DEPDC1: variants seen among roughly 807,000 people sequenced by gnomAD.
The protein encoded by DEPDC1 is DEP domain-containing protein 1A.
Under a neutral mutation model 86.8 loss-of-function variants are expected in DEPDC1, and 66 were observed. That is an observed-to-expected ratio of 0.76 (90% CI 0.62 to 0.93). The LOEUF (loss-of-function observed/expected upper bound fraction) is 0.93. DEPDC1 is among the 40% of genes least tolerant of loss of function. The probability of loss-of-function intolerance (pLI) is 0.00; values close to 1 mark genes in which losing one functional copy is unlikely to be tolerated. For missense variants in DEPDC1, 792 were observed against 935.7 expected (o/e 0.85, Z 2.00); for synonymous variants, 255 against 314.9 (o/e 0.81, Z 2.02).
chr1:68,484,879 C>CACTA (rs143758280), intron 6 of DEPDC1, among the ~76,000 whole-genome samples: 12,564 of 151,666 alleles, frequency 0.083, 789 homozygotes, highest in African/African-American at 0.17. Flanking sequence ...GCTTCTGGTT[C>CACTA]ACTGAGTGTT....
rs1646116111 is a variant in DEPDC1 at position 68,476,553 on chromosome 1, T to G, written c.*379A>C. On this transcript the variant is annotated 3_prime_UTR_variant, in exon 12 of 12. Transcript: ENST00000456315. Reference sequence around the variant, plus strand: ...AAAGAAGTAACCCCAAACAACTAATTCATTAGCTAATATCTCAGAACTTGC... The same window carrying G: ...AAAGAAGTAACCCCAAACAACTAATGCATTAGCTAATATCTCAGAACTTGC... The G allele has an allele frequency of 6.4e-6, 1 of 155,416 alleles. No homozygotes were observed. Among genetic ancestry groups the G allele is most frequent in the Non-Finnish European group, 1.4e-5 (1 of 70,354 alleles). The allele number at this position is 155,416 out of a possible 1,614,324, so 9.6% of individuals were successfully genotyped here. A position where few individuals can be genotyped will look rare whatever the true frequency, so the allele number is the denominator to read the frequency against.
chr1:68,479,906 T>C (rs1646143783), intron 9 of DEPDC1, among the ~76,000 whole-genome samples: 1 of 151,828 alleles, frequency 6.6e-6, no homozygotes, highest in Admixed American at 6.6e-5. Context: ...GTAAACACCA[T>C]AGGTTCTATT....
chr1:68,479,070 A>T, intron 10 of DEPDC1, 74 bp downstream of exon 10: 1 of 1,321,410 alleles, frequency 7.6e-7, no homozygotes. Flanking sequence ...TCCCTTTTTG[A>T]TTAAGCTATT....
chr1:68,494,382 TA>T (rs1646249420), intron 2 of DEPDC1, 47 bp downstream of exon 2: 1 of 1,529,068 alleles, frequency 6.5e-7, no homozygotes, highest in Admixed American at 1.9e-5. Flanking sequence ...TAAGTAGAGA[TA>T]AAACTTTACA....
rs932188885 is a variant in DEPDC1 at position 68,475,302 on chromosome 1, T to A, written c.*1630A>T. On this transcript the variant is annotated 3_prime_UTR_variant, in exon 12 of 12. Coordinates refer to ENST00000456315, the MANE Select transcript of DEPDC1 (RefSeq NM_001114120.3). ...TTATTATTTATATATTTGTCTATAA[T>A]ACAAAAGCAAAATTATATTGTTACA... 1 of 151,900 alleles carries A rather than the reference T, an allele frequency of 6.6e-6. No individual in the cohort carries two copies. The highest frequency in any genetic ancestry group is 6.6e-5 in the Admixed American group (1 of 15,220). 9.4% of individuals were successfully genotyped at this position (151,900 alleles called of 1,614,324 possible). A position where few individuals can be genotyped will look rare whatever the true frequency, so the allele number is the denominator to read the frequency against.
Position 68,482,612 on chromosome 1 carries a change from C to A in DEPDC1, c.1196G>T (p.Ser399Ile). Residue 399 changes from serine to isoleucine, a missense_variant, in exon 8 of 12, where the codon AGT becomes ATT. Coordinates refer to ENST00000456315, the MANE Select transcript of DEPDC1 (RefSeq NM_001114120.3). ...RVSANDIMGG[S>I]CHNLIGLSNM... ...ACTTAACCCTATTAAATTATGACAACTTCCTCCCATTATGTCATTAGCACT... is the reference window on the plus strand; with the variant it reads ...ACTTAACCCTATTAAATTATGACAAATTCCTCCCATTATGTCATTAGCACT... The A allele has an allele frequency of 6.2e-7, 1 of 1,612,892 alleles. No individual in the cohort carries two copies. Among genetic ancestry groups the A allele is most frequent in the South Asian group, 1.1e-5 (1 of 91,056 alleles).
At position 68,482,337 on chromosome 1, in the gene DEPDC1, C is replaced by G; in HGVS notation, c.1471G>C (p.Val491Leu). Residue 491 changes from valine to leucine, a missense_variant, in exon 8 of 12, where the codon GTT (valine) becomes CTT (leucine). By Grantham distance (32) the Val-to-Leu change is conservative. Transcript: ENST00000456315. Reference protein sequence around the residue: ...AGFKRTSTLTVQDQEELCNGK... With the variant: ...AGFKRTSTLTLQDQEELCNGK... ...TTACACAACTCCTCTTGGTCTTGAACAGTCAAAGTAGAGGTTCTCTTAAAA... is the reference window on the plus strand; with the variant it reads ...TTACACAACTCCTCTTGGTCTTGAAGAGTCAAAGTAGAGGTTCTCTTAAAA... 6.2e-7 allele frequency: 1 copy of G among 1,612,888 alleles called. No individual in the cohort carries two copies. Among genetic ancestry groups the G allele is most frequent in the Non-Finnish European group, 8.5e-7 (1 of 1,179,298 alleles).
intron 6 of DEPDC1, among the ~76,000 whole-genome samples, chr1:68,484,313 A>T (rs973726401): frequency 6.6e-6 from 1 of 152,064 alleles, no homozygotes; most frequent in Admixed American, 6.6e-5. Context: ...ATACCTGAAA[A>T]ATCATACATA....
intron 6 of DEPDC1, among the ~76,000 whole-genome samples, chr1:68,484,954 A>ATATATT (rs1553156028): frequency 6.6e-6 from 1 of 150,868 alleles, no homozygotes; most frequent in Non-Finnish European, 1.5e-5. Flanking sequence ...ATATATATAT[A>ATATATT]TTTTTTAAAG....
intron 2 of DEPDC1, among the ~76,000 whole-genome samples, chr1:68,493,825 C>T (rs780114076): frequency 2.0e-5 from 3 of 152,056 alleles, no homozygotes; most frequent in African/African-American, 4.8e-5. Context: ...AAGCAGTTCT[C>T]GTGCCTCAGT....
Position 68,479,134 on chromosome 1 carries a change from C to T in DEPDC1, c.2112+10G>A, listed in dbSNP as rs774960310. On this transcript the variant is annotated intron_variant, in intron 10 of 11. Transcript: ENST00000456315. ...CTATTGCAGAGAATTTTAAGACTCA[C>T]AATACTTACATGTCCCTTTTTTAAG... 3.1e-6 allele frequency: 5 copies of T among 1,593,450 alleles called. No homozygotes were observed. The South Asian group carries it at 3.4e-5, about 11-fold the overall frequency.
At chr1:68,490,620 T>C (rs577666464) in intron 2 of DEPDC1, among the ~76,000 whole-genome samples, 15 of 152,266 alleles carry the variant, frequency 9.9e-5, no homozygotes, top group Non-Finnish European at 1.9e-4. Flanking sequence ...ATATACCTAG[T>C]AAAGGGATTG....
chr1:68,479,180 T>C lies in DEPDC1; in HGVS notation c.2076A>G (p.Ala692=), dbSNP rs1646137071. ...TTAAGTAGTCAAGATGTTTTTCCAC[T>C]GCAGTCTGTAAGTAAGAGGGTACTT... The part of the protein sequence containing the change: ...ILQVPSYLQT[A]VEKHLDYLKK... Residue 692 remains alanine (A), a synonymous_variant, in exon 10 of 12, where the codon GCA becomes GCG. Coordinates refer to ENST00000456315, the MANE Select transcript of DEPDC1 (RefSeq NM_001114120.3). 1 of 1,611,228 alleles carries C rather than the reference T, an allele frequency of 6.2e-7. No individual in the cohort carries two copies. Among genetic ancestry groups the C allele is most frequent in the Non-Finnish European group, 8.5e-7 (1 of 1,179,018 alleles).
rs1056159165 is a variant in DEPDC1, at chr1:68,489,577, G to A, written c.346C>T (p.Pro116Ser). The A allele has an allele frequency of 9.7e-6, 15 of 1,540,504 alleles. No homozygotes were observed. The highest frequency in any genetic ancestry group is 1.4e-5 in the African/African-American group (1 of 69,434). The stretch of plus-strand genomic sequence containing the variant: ...TTTCTCAATTCTGGATACCTTCGTG[G>A]TAGAGTTTTAAGTGGCGAAGTTGCA... ...FPATSPLKTLPRRYPELRKNN... is the reference protein window; with the variant it reads ...FPATSPLKTLSRRYPELRKNN... Residue 116 changes from proline (P) to serine (S), a missense_variant, in exon 3 of 12, where the codon CCA (proline) becomes TCA (serine). By Grantham distance (74) the Pro-to-Ser change is moderately conservative. Transcript: ENST00000456315.
At chr1:68,490,698 T>C (rs549332956) in intron 2 of DEPDC1, among the ~76,000 whole-genome samples, 5 of 152,194 alleles carry the variant, frequency 3.3e-5, no homozygotes, top group African/African-American at 1.2e-4. Flanking sequence ...ACAACTCATA[T>C]GGAACCAAAA....
chr1:68,488,541 T>A, intron 4 of DEPDC1, 37 bp from the exon 5 acceptor site: 1 of 1,533,616 alleles, frequency 6.5e-7, no homozygotes, highest in Middle Eastern at 2.1e-4. Flanking sequence ...TTTTTCTTCA[T>A]AAATAGATTA....
At chr1:68,484,724 C>T (rs951100183) in intron 6 of DEPDC1, among the ~76,000 whole-genome samples, 3 of 151,924 alleles carry the variant, frequency 2.0e-5, no homozygotes, top group Non-Finnish European at 4.4e-5. Context: ...AGGCCCAGGA[C>T]TTTTAAAGCT....
chr1:68,478,235 A>T (rs1467656211), intron 10 of DEPDC1, among the ~76,000 whole-genome samples: 1 of 152,020 alleles, frequency 6.6e-6, no homozygotes, highest in African/African-American at 2.4e-5. Context: ...AAATTACATA[A>T]GAAAATGTAT....
chr1:68,488,519 G>A lies in DEPDC1; in HGVS notation c.591-15C>T. 3.8e-6 allele frequency: 6 copies of A among 1,589,714 alleles called. No homozygotes were observed. Among genetic ancestry groups the A allele is most frequent in the Non-Finnish European group, 5.1e-6 (6 of 1,169,008 alleles). On this transcript the variant is annotated splice_polypyrimidine_tract_variant and intron_variant, in intron 4 of 11. Coordinates refer to ENST00000456315, the MANE Select transcript of DEPDC1 (RefSeq NM_001114120.3). ...TGGTTTGCAGGCTAAATAGAAGAAA[G>A]AATATTAACTTTTTTTCTTCATAAA...
Sources: gnomAD v4.1 joint callset for allele counts (sites outside exome capture counted in the v4.1 genomes callset) on GRCh38, gnomAD v4.1.1 for gene constraint, MANE v1.5 for transcripts, NCBI Gene and HGNC (gene_info 2026-07-23, HGNC 2026-07-21) for gene names.